TBC1D31: variants seen among roughly 807,000 people sequenced by gnomAD.
The protein encoded by TBC1D31 is TBC1 domain family member 31.
A neutral mutation model predicts 132.9 loss-of-function variants in TBC1D31; 99 were observed. The observed-to-expected ratio is 0.74, with a 90% confidence interval of 0.63 to 0.88. The LOEUF (loss-of-function observed/expected upper bound fraction) is 0.88. Ranked by LOEUF, TBC1D31 falls within the 40% of genes least tolerant of loss-of-function variation. TBC1D31 has a pLI of 0.00. For synonymous variants in TBC1D31, 385 were observed against 419.4 expected, an observed-to-expected ratio of 0.92 and a Z score of 1.00; for missense variants, 1,134 against 1,256.6, an observed-to-expected ratio of 0.90 and a Z score of 1.48.
chr8:123,096,874 T>A (rs1378098307), intron 5 of TBC1D31, among the ~76,000 whole-genome samples: 1 of 152,232 alleles, frequency 6.6e-6, no homozygotes, highest in Non-Finnish European at 1.5e-5. Flanking sequence ...TATAGCCATG[T>A]ACCACCAATT....
At chr8:123,112,040 G>C (rs1400157449) in intron 10 of TBC1D31, among the ~76,000 whole-genome samples, 1 of 152,104 alleles carries the variant, frequency 6.6e-6, no homozygotes, top group Non-Finnish European at 1.5e-5. Context: ...TTTTTAAGTA[G>C]AGATGAAGTC....
chr8:123,164,626 A>G, the TBC1D31 span, among the ~76,000 whole-genome samples: 1 of 152,118 alleles, frequency 6.6e-6, no homozygotes, highest in South Asian at 2.1e-4. Context: ...GGAGGCTGAG[A>G]CAGGAGAATC....
intron 20 of TBC1D31, among the ~76,000 whole-genome samples, chr8:123,148,848 GCCAACATGA>G (rs1437197973): frequency 6.6e-6 from 1 of 152,054 alleles, no homozygotes; most frequent in Non-Finnish European, 1.5e-5. Context: ...GGCCGACATG[GCCAACATGA>G]CCAACCTGGC....
In TBC1D31 at chr8:123,077,129, T is replaced by TC; in HGVS notation, c.97dup (p.His33ProfsTer19). 1 of 1,610,288 alleles carries TC rather than the reference T, an allele frequency of 6.2e-7. No individual in the cohort carries two copies. The highest frequency in any genetic ancestry group is 1.1e-5 in the South Asian group (1 of 90,180). On this transcript the variant is annotated frameshift_variant, in exon 2 of 22. Coordinates refer to ENST00000287380, the MANE Select transcript of TBC1D31 (RefSeq NM_145647.4). LOFTEE classifies it high-confidence loss of function. The stretch of plus-strand genomic sequence containing the variant: ...TTGACAGAATTATAGTGAACATTAT[T>TC]CACAACACTTCCGATTACCATCCAA...
chr8:123,117,627 C>T (rs896836956), intron 10 of TBC1D31, among the ~76,000 whole-genome samples: 2 of 151,548 alleles, frequency 1.3e-5, no homozygotes, highest in Non-Finnish European at 2.9e-5. Flanking sequence ...GTGGCGCGCG[C>T]CTGTAGTCCC....
At chr8:123,123,777 G>A (rs967067272) in intron 11 of TBC1D31, 1 of 152,264 alleles carries the variant, frequency 6.6e-6, no homozygotes, top group Non-Finnish European at 1.5e-5. Flanking sequence ...AATTTGAAAT[G>A]TAAGGCTCCA....
chr8:123,093,541 G>A, intron 4 of TBC1D31, 50 bp from the exon 5 acceptor site: 1 of 1,294,428 alleles, frequency 7.7e-7, no homozygotes, highest in Non-Finnish European at 1.0e-6. Flanking sequence ...TAAATTTAAA[G>A]TCTCTATGTG....
intron 4 of TBC1D31, among the ~76,000 whole-genome samples, chr8:123,092,469 A>G (rs1269439415): frequency 6.6e-6 from 1 of 152,172 alleles, no homozygotes; most frequent in African/African-American, 2.4e-5. Context: ...ATGTAGAACT[A>G]TATACTAATA....
At chr8:123,135,193 C>T (rs1820971148) in intron 17 of TBC1D31, among the ~76,000 whole-genome samples, 2 of 152,320 alleles carry the variant, frequency 1.3e-5, no homozygotes, top group South Asian at 4.1e-4. Flanking sequence ...AGCCACCACG[C>T]CTGGCCTGTA....
At chr8:123,087,645 T>C (rs1392911656) in intron 4 of TBC1D31, among the ~76,000 whole-genome samples, 1 of 152,200 alleles carries the variant, frequency 6.6e-6, no homozygotes, top group African/African-American at 2.4e-5. Context: ...TATGAAACAA[T>C]GACACATGAC....
At chr8:123,132,910 T>C (rs1820763318) in intron 16 of TBC1D31, among the ~76,000 whole-genome samples, 1 of 152,198 alleles carries the variant, frequency 6.6e-6, no homozygotes, top group South Asian at 2.1e-4. Flanking sequence ...AGCTCAGAAC[T>C]CTGATGTCTT....
At chr8:123,099,321 C>T (rs530765323) in intron 6 of TBC1D31, among the ~76,000 whole-genome samples, 6 of 152,192 alleles carry the variant, frequency 3.9e-5, no homozygotes, top group Admixed American at 2.6e-4. Context: ...GGGGTTTCAC[C>T]GTGTTAGCCA....
chr8:123,152,129 T>A lies in TBC1D31; in HGVS notation c.*190T>A, dbSNP rs1327236702. The stretch of plus-strand genomic sequence containing the variant: ...AAATGGCTTCTTGAACTTTTTACAA[T>A]AAAAATGTTTTAGAAACTGTTAAAG... On this transcript the variant is annotated 3_prime_UTR_variant, in exon 22 of 22. Coordinates refer to ENST00000287380, the MANE Select transcript of TBC1D31 (RefSeq NM_145647.4). 2.1e-6 allele frequency: 1 copy of A among 485,622 alleles called. No homozygotes were observed. The highest frequency in any genetic ancestry group is 3.3e-6 in the Non-Finnish European group (1 of 305,628). 30.1% of individuals were successfully genotyped at this position (485,622 alleles called of 1,614,324 possible).
chr8:123,130,486 A>G (rs1302937673), intron 16 of TBC1D31, among the ~76,000 whole-genome samples, 153 bp downstream of exon 16: 2 of 152,112 alleles, frequency 1.3e-5, no homozygotes, highest in African/African-American at 4.8e-5. Flanking sequence ...CAGCTTTCTC[A>G]TTCTCTTTTG....
intron 2 of TBC1D31, among the ~76,000 whole-genome samples, chr8:123,078,644 C>T (rs1258468545): frequency 6.6e-6 from 1 of 152,178 alleles, no homozygotes; most frequent in Non-Finnish European, 1.5e-5. Flanking sequence ...GAGCCTGTAA[C>T]ATTTTGTAGC....
intron 14 of TBC1D31, 89 bp from the exon 15 acceptor site, chr8:123,128,977 T>C: frequency 3.5e-6 from 3 of 857,228 alleles, no homozygotes; most frequent in Middle Eastern, 2.5e-4. Flanking sequence ...GGAAATAAAA[T>C]AGATTATACA....
At chr8:123,101,052 A>T (rs1208718286) in intron 7 of TBC1D31, 45 bp downstream of exon 7, 1 of 1,301,286 alleles carries the variant, frequency 7.7e-7, no homozygotes, top group Non-Finnish European at 1.1e-6. Context: ...ATAAACACTT[A>T]TATATTATAT....
Position 123,142,251 on chromosome 8 carries a change from C to T in TBC1D31, c.2641-11C>T. ...TTGACCTTGTTTCTGAAATGTATAA[C>T]TTTTTCCTAGGTGATTAAAGAAAAT... is the stretch of plus-strand genomic sequence containing the variant. On this transcript the variant is annotated splice_polypyrimidine_tract_variant and intron_variant, in intron 18 of 21. Transcript: ENST00000287380. 2 of 1,556,960 alleles carry T rather than the reference C, an allele frequency of 1.3e-6. No homozygotes were observed. The highest frequency in any genetic ancestry group is 1.7e-6 in the Non-Finnish European group (2 of 1,155,652).
the TBC1D31 span, among the ~76,000 whole-genome samples, chr8:123,162,222 C>T: frequency 2.3e-3 from 356 of 151,990 alleles, 2 homozygotes; most frequent in African/African-American, 7.9e-3. Context: ...TGTTTGAATG[C>T]GTTCATTGAT....
Sources: gnomAD v4.1 joint callset for allele counts (sites outside exome capture counted in the v4.1 genomes callset) on GRCh38, gnomAD v4.1.1 for gene constraint, MANE v1.5 for transcripts, NCBI Gene and HGNC (gene_info 2026-07-23, HGNC 2026-07-21) for gene names.